Variants in TRIM4 observed in about 807,000 individuals in gnomAD.
The protein encoded by TRIM4 is E3 ubiquitin-protein ligase TRIM4.
A neutral mutation model predicts 33.7 loss-of-function variants in TRIM4; 29 were observed. The observed-to-expected ratio is 0.86, with a 90% confidence interval of 0.64 to 1.17. TRIM4 has a LOEUF of 1.17. Among genes scored for constraint, TRIM4 ranks in the 50% most tolerant of loss-of-function variants. The probability of loss-of-function intolerance (pLI) is 0.00; values close to 1 mark genes in which losing one functional copy is unlikely to be tolerated. For missense variants in TRIM4, 554 were observed against 593.7 expected (o/e 0.93, Z 0.69); for synonymous variants, 224 against 233.0 (o/e 0.96, Z 0.35).
At chr7:99,916,777 T>C in intron 1 of TRIM4, 4 of 781,010 alleles carry the variant, frequency 5.1e-6, no homozygotes, top group Non-Finnish European at 4.8e-6. Context: ...CAAAGTTACC[T>C]GTCTAAAACA....
In TRIM4 at chr7:99,902,160, T is replaced by G. The variant is rs750161872; in HGVS notation, c.841+1058A>C. On this transcript the variant is annotated intron_variant, in intron 5 of 5. Coordinates refer to ENST00000349062, the MANE Select transcript of TRIM4 (RefSeq NM_033091.3). Reference sequence around the variant, plus strand: ...ATATTGTGCCTGTTTTGTTTTTGTGTTTTTATTTTAGTTGCTGCAGACAAG... The same window carrying G: ...ATATTGTGCCTGTTTTGTTTTTGTGGTTTTATTTTAGTTGCTGCAGACAAG... 3.9e-6 allele frequency: 3 copies of G among 765,092 alleles called. No individual in the cohort carries two copies. In the Admixed American group the frequency reaches 5.1e-5, roughly 13 times the overall value. 47.4% of individuals were successfully genotyped at this position (765,092 alleles called of 1,614,324 possible).
intron 3 of TRIM4, among the ~76,000 whole-genome samples, chr7:99,906,919 G>A (rs887090382): frequency 1.5e-4 from 23 of 152,178 alleles, no homozygotes; most frequent in African/African-American, 5.1e-4. Flanking sequence ...AGCATTATTT[G>A]TAGTGGTAAT....
intron 5 of TRIM4, among the ~76,000 whole-genome samples, chr7:99,894,116 T>A (rs1012102025): frequency 2.0e-5 from 3 of 152,198 alleles, no homozygotes; most frequent in African/African-American, 7.2e-5. Flanking sequence ...TGGTTGTGAT[T>A]ATTACATATT....
In TRIM4 at chr7:99,903,226, C is replaced by T. The variant is rs764872137; in HGVS notation, c.833G>A (p.Arg278Gln). ...CTAGAAATTCTGCTCACCTTGGAATCGCTTTAGCATTTCCTTCATCAATGG... is the reference window on the plus strand; with the variant it reads ...CTAGAAATTCTGCTCACCTTGGAATTGCTTTAGCATTTCCTTCATCAATGG... The part of the protein sequence containing the change: ...QIPLMKEMLK[R>Q]FQVAVNLAED... The change falls in exon 5 of 6, where the codon CGA becomes CAA. Residue 278 changes from arginine (R) to glutamine (Q), a missense_variant. Arg to Gln is a conservative substitution (Grantham distance 43). Coordinates refer to ENST00000349062, the MANE Select transcript of TRIM4 (RefSeq NM_033091.3). The T allele has an allele frequency of 4.5e-5, 73 of 1,609,890 alleles. No individual in the cohort carries two copies. The highest frequency in any genetic ancestry group is 5.9e-5 in the Non-Finnish European group (70 of 1,178,136).
At chr7:99,896,100 AT>A (rs558830056) in intron 5 of TRIM4, among the ~76,000 whole-genome samples, 43 of 151,976 alleles carry the variant, frequency 2.8e-4, no homozygotes, top group Non-Finnish European at 5.3e-4. Flanking sequence ...TTTCTGCCTT[AT>A]TTTTTATTAA....
Position 99,919,402 on chromosome 7 carries a change from G to A in TRIM4, c.-1C>T. On this transcript the variant is annotated 5_prime_UTR_variant, in exon 1 of 6. Coordinates refer to ENST00000349062, the MANE Select transcript of TRIM4 (RefSeq NM_033091.3). ...CCTCCTGGATGTCCTCAGCTTCCAT[G>A]CTGCTTCCCTGCCGCGGAGACGGAG... 6.5e-7 allele frequency: 1 copy of A among 1,542,236 alleles called. No individual in the cohort carries two copies. Among genetic ancestry groups the A allele is most frequent in the South Asian group, 1.2e-5 (1 of 83,076 alleles).
rs759515242 is a variant in TRIM4, at chr7:99,892,133, G to A, written c.*30C>T. On this transcript the variant is annotated 3_prime_UTR_variant, in exon 6 of 6. Transcript: ENST00000349062. ...GTGTGTCCCTCAGCTGGACTACAGG[G>A]AAGGAGTTTTGGTCAGGGGAAGAAA... 3 of 1,562,236 alleles carry A rather than the reference G, an allele frequency of 1.9e-6. No homozygotes were observed. In the East Asian group the frequency reaches 6.7e-5, roughly 35 times the overall value.
At chr7:99,902,373 G>A (rs763351309) in intron 5 of TRIM4, among the ~76,000 whole-genome samples, 43 of 152,054 alleles carry the variant, frequency 2.8e-4, no homozygotes, top group Middle Eastern at 3.4e-3. Context: ...TCAGCCTCCC[G>A]AGTAGCTGGG....
At chr7:99,894,685 A>G (rs1181739013) in intron 5 of TRIM4, among the ~76,000 whole-genome samples, 4 of 150,998 alleles carry the variant, frequency 2.6e-5, no homozygotes, top group South Asian at 2.1e-4. Flanking sequence ...AAAAAAAAAG[A>G]AAAGAAAAGA....
intron 4 of TRIM4, 104 bp downstream of exon 4, chr7:99,903,472 G>A: frequency 1.4e-6 from 2 of 1,480,244 alleles, no homozygotes; most frequent in South Asian, 1.1e-5. Flanking sequence ...CCCCATTAGG[G>A]TGTGCCCAGA....
intron 1 of TRIM4, among the ~76,000 whole-genome samples, chr7:99,913,439 C>T (rs187345898): frequency 7.2e-5 from 11 of 152,196 alleles, no homozygotes; most frequent in South Asian, 4.1e-4. Context: ...GAGGCCAAGG[C>T]GGGCAGATTA....
At chr7:99,895,132 T>C (rs536528779) in intron 5 of TRIM4, among the ~76,000 whole-genome samples, 2 of 152,332 alleles carry the variant, frequency 1.3e-5, no homozygotes, top group Non-Finnish European at 2.9e-5. Flanking sequence ...CCTCTTTCTC[T>C]AGTGTCTTAA....
chr7:99,913,404 C>T lies in TRIM4; in HGVS notation c.394-3744G>A, dbSNP rs183467954. On this transcript the variant is annotated intron_variant, in intron 1 of 5. Transcript: ENST00000349062. ...ACTCTCTCAGCTAGGTGCGGTGGCT[C>T]ACGCCTGTAATCCCAGCACTTTGGG... Among the ~76,000 whole-genome samples, 383 of 152,318 alleles carry T rather than the reference C, an allele frequency of 2.5e-3. 2 individuals carry two copies. The highest frequency in any genetic ancestry group is 2.5e-3 in the Non-Finnish European group (168 of 68,038).
rs763387987 is a variant in TRIM4, at chr7:99,892,615, A to G, written c.973T>C (p.Trp325Arg). The change falls in exon 6 of 6, where the codon TGG becomes CGG. Residue 325 changes from tryptophan (W) to arginine (R), a missense_variant. Trp to Arg is a moderately radical substitution (Grantham distance 101). Coordinates refer to ENST00000349062, the MANE Select transcript of TRIM4 (RefSeq NM_033091.3). ...AAAGCAGTCTTCTGAGGATTCCTCC[A>G]TCCAGCAAAGTAGTTCCATGCTGAA... ...FSSAWNYFAG[W>R]RNPQKTAFVE... 1.5e-5 allele frequency: 24 copies of G among 1,614,080 alleles called. No individual in the cohort carries two copies. Among genetic ancestry groups the G allele is most frequent in the Admixed American group, 3.3e-5 (2 of 60,010 alleles).
intron 1 of TRIM4, among the ~76,000 whole-genome samples, chr7:99,914,487 A>T (rs1819509114): frequency 6.6e-6 from 1 of 152,050 alleles, no homozygotes; most frequent in African/African-American, 2.4e-5. Context: ...CTAATCAGAT[A>T]TTGTCACTCT....
chr7:99,898,736 C>A (rs1819083044), intron 5 of TRIM4, among the ~76,000 whole-genome samples: 5 of 152,208 alleles, frequency 3.3e-5, no homozygotes, highest in Admixed American at 3.3e-4. Context: ...TGTAAAATCG[C>A]ATGGCCCTGG....
intron 1 of TRIM4, among the ~76,000 whole-genome samples, chr7:99,914,769 C>T (rs1252723425): frequency 6.6e-6 from 1 of 152,154 alleles, no homozygotes; most frequent in Admixed American, 6.5e-5. Flanking sequence ...TAAGAGAAGA[C>T]TGCTCCCTTC....
chr7:99,893,435 T>C (rs1408770481), intron 5 of TRIM4, among the ~76,000 whole-genome samples: 4 of 152,136 alleles, frequency 2.6e-5, no homozygotes, highest in Non-Finnish European at 5.9e-5. Context: ...CACACAGGTG[T>C]CACATAGGAC....
rs1413158917 is a variant in TRIM4, at chr7:99,894,662, A to C, written c.842-1916T>G. 4.2e-5 allele frequency among the ~76,000 whole-genome samples: 6 copies of C among 143,732 alleles called. No individual in the cohort carries two copies. In the East Asian group the frequency reaches 1.2e-3, roughly 28 times the overall value. 94.3% of individuals were successfully genotyped at this position (143,732 alleles called of 152,430 possible). ...AGCCTAGGCAACAGACCAAGACTCC[A>C]TCCCCCCCCCAAAAAAAAAAAGAAA... On this transcript the variant is annotated intron_variant, in intron 5 of 5. Transcript: ENST00000349062.
Sources: gnomAD v4.1 joint callset for allele counts (sites outside exome capture counted in the v4.1 genomes callset) on GRCh38, gnomAD v4.1.1 for gene constraint, MANE v1.5 for transcripts, NCBI Gene and HGNC (gene_info 2026-07-23, HGNC 2026-07-21) for gene names.